CNTN3: variants seen among roughly 807,000 people sequenced by gnomAD.
The protein encoded by CNTN3 is contactin-3.
A neutral mutation model predicts 119.1 loss-of-function variants in CNTN3; 60 were observed. The observed-to-expected ratio is 0.50, with a 90% CI of 0.41 to 0.62. The LOEUF is 0.62. CNTN3 is among the 20% of genes least tolerant of loss of function. The pLI is 0.00. For missense variants in CNTN3, 1,101 were observed against 1,242.4 expected (o/e 0.89, Z 1.71); for synonymous variants, 450 against 438.7 (o/e 1.03, Z -0.32).
intron 1 of CNTN3, among the ~76,000 whole-genome samples, chr3:74,521,902 G>A (rs1288722087): frequency 5.9e-5 from 9 of 151,758 alleles, no homozygotes; most frequent in Admixed American, 2.6e-4. Context: ...AAGTATGCGC[G>A]ATACACAGAC....
chr3:74,515,731 C>T (rs1334879073), intron 2 of CNTN3, among the ~76,000 whole-genome samples: 1 of 152,008 alleles, frequency 6.6e-6, no homozygotes, highest in Non-Finnish European at 1.5e-5. Context: ...GCCAGTTGAT[C>T]TCAATGAACC....
At chr3:74,545,749 T>C (rs554959087) in intron 1 of CNTN3, among the ~76,000 whole-genome samples, 4 of 152,314 alleles carry the variant, frequency 2.6e-5, no homozygotes, top group East Asian at 3.9e-4. Context: ...TTTAAAATTA[T>C]GTTTTTGTTG....
chr3:74,432,728 T>C (rs763987429), intron 4 of CNTN3, among the ~76,000 whole-genome samples: 2 of 152,228 alleles, frequency 1.3e-5, no homozygotes, highest in Non-Finnish European at 2.9e-5. Flanking sequence ...GGTATCAGCA[T>C]GTTCAAAACT....
At chr3:74,388,249 TA>T (rs1704805788) in intron 5 of CNTN3, among the ~76,000 whole-genome samples, 2 of 152,288 alleles carry the variant, frequency 1.3e-5, no homozygotes, top group East Asian at 1.9e-4. Context: ...TGAATTTAAA[TA>T]AAAAGTCTAC....
chr3:74,560,431 G>C (rs1464422544), intron 1 of CNTN3, among the ~76,000 whole-genome samples: 2 of 152,032 alleles, frequency 1.3e-5, no homozygotes, highest in Non-Finnish European at 2.9e-5. Flanking sequence ...TAAATTTTGT[G>C]TTTAAAAATA....
At chr3:74,434,004 C>T (rs1315155193) in intron 4 of CNTN3, among the ~76,000 whole-genome samples, 1 of 152,146 alleles carries the variant, frequency 6.6e-6, no homozygotes, top group Admixed American at 6.6e-5. Flanking sequence ...AATAAGCATC[C>T]ATCATCTCAT....
rs777247767 is a variant in CNTN3, at chr3:74,364,612, A to G, written c.1084-16T>C. On this transcript the variant is annotated splice_polypyrimidine_tract_variant and intron_variant, in intron 9 of 22. Transcript: ENST00000263665. ...GTGTTCTCTCCTAGATGATAATAAA[A>G]ATATCTTTCATATAAACAAACATAC... 1 of 1,582,306 alleles carries G rather than the reference A, an allele frequency of 6.3e-7. No individual in the cohort carries two copies. Among genetic ancestry groups the G allele is most frequent in the South Asian group, 1.1e-5 (1 of 89,892 alleles).
intron 11 of CNTN3, among the ~76,000 whole-genome samples, chr3:74,344,397 GTTTTTTTTTTTTTTTTTTTTTTTTTTTTT>G (rs1156579949): frequency 1.5e-4 from 5 of 32,568 alleles, no homozygotes; most frequent in South Asian, 2.0e-3. Flanking sequence ...TTACACAGTG[GTTTTTTTTTTTTTTTTTTTTTTTTTTTTT>G]TTTTTTTTTT....
At chr3:74,340,281 AG>A (rs1703503398) in intron 11 of CNTN3, among the ~76,000 whole-genome samples, 1 of 152,144 alleles carries the variant, frequency 6.6e-6, no homozygotes, top group African/African-American at 2.4e-5. Flanking sequence ...TGTAGCAAAA[AG>A]ATAAGGCAAT....
chr3:74,454,015 T>G (rs1447790815), intron 4 of CNTN3, among the ~76,000 whole-genome samples: 1 of 148,162 alleles, frequency 6.7e-6, no homozygotes, highest in Non-Finnish European at 1.5e-5. Flanking sequence ...GTTCTGTAGA[T>G]GTCTATTAGG....
chr3:74,385,499 CG>C (rs1559575446), intron 5 of CNTN3, among the ~76,000 whole-genome samples: 1 of 152,068 alleles, frequency 6.6e-6, no homozygotes, highest in Admixed American at 6.6e-5. Context: ...GAGCTTTTTG[CG>C]TAATTTTGGA....
intron 1 of CNTN3, among the ~76,000 whole-genome samples, chr3:74,527,885 T>G (rs961294979): frequency 6.6e-6 from 1 of 151,956 alleles, no homozygotes; most frequent in Non-Finnish European, 1.5e-5. Flanking sequence ...GTTGCAGGAT[T>G]TTGAAAGCAA....
chr3:74,268,331 C>T (rs1701704287), intron 20 of CNTN3, among the ~76,000 whole-genome samples: 1 of 152,154 alleles, frequency 6.6e-6, no homozygotes, highest in Non-Finnish European at 1.5e-5. Flanking sequence ...AACAGCATCA[C>T]AATTGCCCTC....
intron 1 of CNTN3, among the ~76,000 whole-genome samples, chr3:74,589,160 T>C (rs2106682842): frequency 6.6e-6 from 1 of 151,876 alleles, no homozygotes; most frequent in South Asian, 2.1e-4. Context: ...ACCATCAGAG[T>C]GAACAGGCAA....
At chr3:74,519,463 T>C (rs1703506355) in intron 2 of CNTN3, among the ~76,000 whole-genome samples, 1 of 151,854 alleles carries the variant, frequency 6.6e-6, no homozygotes, top group African/African-American at 2.4e-5. Context: ...TGAAACCTTT[T>C]AAAAGCTGAT....
At chr3:74,357,328 G>C (rs886959047) in intron 11 of CNTN3, among the ~76,000 whole-genome samples, 1 of 152,010 alleles carries the variant, frequency 6.6e-6, no homozygotes, top group Non-Finnish European at 1.5e-5. Context: ...TTGTTGCCCA[G>C]GCTGGAGTGC....
chr3:74,272,109 C>T (rs1701789611), intron 20 of CNTN3, among the ~76,000 whole-genome samples: 2 of 152,078 alleles, frequency 1.3e-5, no homozygotes, highest in Non-Finnish European at 2.9e-5. Context: ...TTTTGGCTTC[C>T]CTGGGCCACA....
intron 1 of CNTN3, among the ~76,000 whole-genome samples, chr3:74,538,103 CA>C (rs201787744): frequency 6.0e-5 from 9 of 150,300 alleles, no homozygotes; most frequent in Non-Finnish European, 1.0e-4. Flanking sequence ...TGCCCACCAA[CA>C]AAAAAAAAGC....
intron 5 of CNTN3, among the ~76,000 whole-genome samples, chr3:74,402,602 G>T (rs1003853989): frequency 6.6e-6 from 1 of 152,064 alleles, no homozygotes; most frequent in African/African-American, 2.4e-5. Flanking sequence ...ATTATTTTTG[G>T]CTTTGAGAAT....
Sources: gnomAD v4.1 joint callset for allele counts (sites outside exome capture counted in the v4.1 genomes callset) on GRCh38, gnomAD v4.1.1 for gene constraint, MANE v1.5 for transcripts, NCBI Gene and HGNC (gene_info 2026-07-23, HGNC 2026-07-21) for gene names.